Variants in TMEM272 observed in about 807,000 individuals in gnomAD.
TMEM272 encodes the protein transmembrane protein 272.
TMEM272 carries 8 observed loss-of-function variants against 3.7 expected under a neutral mutation model. The observed-to-expected ratio is 2.17, with a 90% CI of 1.27 to 3.91. The LOEUF is 3.91. Ranked by LOEUF, TMEM272 falls within the 30% of genes most tolerant of loss-of-function variation. The probability of loss-of-function intolerance (pLI) is 0.00; values close to 1 mark genes in which losing one functional copy is unlikely to be tolerated. For missense variants in TMEM272, 166 were observed against 91.5 expected, an observed-to-expected ratio of 1.81 and a Z score of -3.32; for synonymous variants, 63 against 39.8, an observed-to-expected ratio of 1.58 and a Z score of -2.20.
intron 2 of TMEM272, among the ~76,000 whole-genome samples, chr13:51,827,167 A>T (rs958717944): frequency 6.6e-6 from 1 of 152,254 alleles, no homozygotes; most frequent in Non-Finnish European, 1.5e-5. Context: ...CTTCTTGCTG[A>T]CACACAGTAT....
the TMEM272 span, among the ~76,000 whole-genome samples, chr13:51,925,338 T>C: frequency 2.6e-5 from 4 of 152,214 alleles, no homozygotes; most frequent in Non-Finnish European, 5.9e-5. Context: ...CTCCACTTAA[T>C]TGCCATCTTA....
At chr13:51,862,181 G>GC in the TMEM272 span, 1 of 152,248 alleles carries the variant, frequency 6.6e-6, no homozygotes, top group African/African-American at 2.4e-5. Context: ...ATGGCCGCCT[G>GC]CCCCCTCTGA....
the TMEM272 span, among the ~76,000 whole-genome samples, chr13:51,904,885 G>C: frequency 6.6e-6 from 1 of 152,182 alleles, no homozygotes; most frequent in Non-Finnish European, 1.5e-5. Flanking sequence ...TTACCAGGTA[G>C]GGGAACATCA....
At chr13:51,829,589 C>A (rs1305298275) in intron 2 of TMEM272, among the ~76,000 whole-genome samples, 1 of 152,114 alleles carries the variant, frequency 6.6e-6, no homozygotes, top group African/African-American at 2.4e-5. Context: ...GTCGATGAAT[C>A]CTATTCTGCA....
At chr13:51,841,221 G>A (rs1212553610) in intron 1 of TMEM272, among the ~76,000 whole-genome samples, 1 of 152,214 alleles carries the variant, frequency 6.6e-6, no homozygotes. Flanking sequence ...AAAACAGAGG[G>A]TGCACTTCAC....
chr13:51,851,422 G>A, the TMEM272 span, among the ~76,000 whole-genome samples: 3 of 140,328 alleles, frequency 2.1e-5, no homozygotes. Context: ...AGAAGAAGAA[G>A]AAGAAGAAGA....
chr13:51,922,322 G>C, the TMEM272 span, among the ~76,000 whole-genome samples: 1 of 152,256 alleles, frequency 6.6e-6, no homozygotes, highest in African/African-American at 2.4e-5. Flanking sequence ...GGCTTCTTCA[G>C]AGAAGTCTTG....
chr13:51,857,072 G>T, the TMEM272 span, among the ~76,000 whole-genome samples: 1 of 152,014 alleles, frequency 6.6e-6, no homozygotes, highest in Non-Finnish European at 1.5e-5. Context: ...TGTTGATTTT[G>T]TTATCAATTG....
upstream of TMEM272, among the ~76,000 whole-genome samples, chr13:51,849,609 C>T (rs527470888): frequency 3.9e-5 from 6 of 152,176 alleles, no homozygotes; most frequent in Non-Finnish European, 7.3e-5. Context: ...TCCAGAAAAT[C>T]CCGGGGTCTC....
chr13:51,885,516 A>G, the TMEM272 span, among the ~76,000 whole-genome samples: 2 of 152,336 alleles, frequency 1.3e-5, no homozygotes, highest in East Asian at 1.9e-4. Flanking sequence ...CCATGATTCA[A>G]TTACCTACCA....
chr13:51,933,179 G>A, the TMEM272 span: 7 of 152,246 alleles, frequency 4.6e-5, no homozygotes, highest in South Asian at 4.1e-4. Context: ...CCTTTTCCTC[G>A]TTTATTCTTA....
rs888172512 is a variant in TMEM272 at position 51,813,832 on chromosome 13, A to T, written c.*2919T>A. ...AGCAAATAAAATGATCTCAACATAT[A>T]GTTTATCTTTGCTGCAGTCTTTTCT... On this transcript the variant is annotated 3_prime_UTR_variant, in exon 5 of 5. Transcript: ENST00000629372. The T allele has an allele frequency of 6.6e-6, 1 of 152,278 alleles. No individual in the cohort carries two copies. The highest frequency in any genetic ancestry group is 1.5e-5 in the Non-Finnish European group (1 of 68,074). The allele number at this position is 152,278 out of a possible 1,614,324, so 9.4% of individuals were successfully genotyped here.
the TMEM272 span, among the ~76,000 whole-genome samples, chr13:51,884,298 A>G: frequency 6.6e-6 from 1 of 152,198 alleles, no homozygotes; most frequent in African/African-American, 2.4e-5. Flanking sequence ...ACAGATGGGG[A>G]GCCTAGAAAG....
At chr13:51,880,618 A>G in the TMEM272 span, among the ~76,000 whole-genome samples, 1 of 151,284 alleles carries the variant, frequency 6.6e-6, no homozygotes, top group Non-Finnish European at 1.5e-5. Context: ...GTAAAATAAA[A>G]TAAAAAAATT....
the TMEM272 span, among the ~76,000 whole-genome samples, chr13:51,879,867 A>T: frequency 6.6e-6 from 1 of 152,234 alleles, no homozygotes; most frequent in Non-Finnish European, 1.5e-5. Context: ...AAGGTCATTT[A>T]GTCCAACAAG....
At chr13:51,894,660 T>C in the TMEM272 span, among the ~76,000 whole-genome samples, 1,346 of 152,174 alleles carry the variant, frequency 8.8e-3, 24 homozygotes, top group African/African-American at 0.03. Flanking sequence ...AATGTGCAAA[T>C]GGAGCCTGCA....
At chr13:51,821,943 G>A (rs970793362) in intron 4 of TMEM272, 112 bp downstream of exon 4, 3 of 693,102 alleles carry the variant, frequency 4.3e-6, no homozygotes, top group Non-Finnish European at 7.9e-6. Flanking sequence ...CCACGCTTAG[G>A]GGGAAGTTGT....
chr13:51,850,483 T>C, the TMEM272 span, among the ~76,000 whole-genome samples: 5 of 152,246 alleles, frequency 3.3e-5, no homozygotes, highest in Admixed American at 3.3e-4. Context: ...TGAGCAATTA[T>C]GGGCACACAG....
At chr13:51,902,326 C>T in the TMEM272 span, among the ~76,000 whole-genome samples, 21 of 152,180 alleles carry the variant, frequency 1.4e-4, no homozygotes, top group Admixed American at 2.6e-4. Context: ...GCCCTTCTCA[C>T]GGCCTGGCGC....
Sources: allele counts gnomAD v4.1 joint callset (sites outside exome capture counted in the v4.1 genomes callset), GRCh38; gene constraint gnomAD v4.1.1; transcripts MANE v1.5; gene names NCBI Gene and HGNC (gene_info 2026-07-23, HGNC 2026-07-21).